The following THSD4 variants were observed in gnomAD, a reference collection of about 807,000 sequenced individuals.
THSD4 encodes thrombospondin type 1 domain containing 4.
In THSD4, 69 loss-of-function variants were observed where a neutral mutation model predicts 119.0. The observed-to-expected ratio is 0.58, with a 90% CI of 0.48 to 0.71. THSD4 has a LOEUF of 0.71. Ranked by LOEUF, THSD4 falls within the 30% of genes least tolerant of loss-of-function variation. The pLI, the probability that THSD4 is intolerant of heterozygous loss-of-function variation, is 0.00. For missense variants in THSD4, 1,393 were observed against 1,391.1 expected (o/e 1.00, Z -0.02); for synonymous variants, 524 against 540.4 (o/e 0.97, Z 0.42).
intron 8 of THSD4, among the ~76,000 whole-genome samples, chr15:71,710,538 A>G (rs1471159027): frequency 1.3e-5 from 2 of 152,154 alleles, no homozygotes; most frequent in Non-Finnish European, 1.5e-5. Context: ...CAGAAACTAG[A>G]CCCAGGTCAA....
intron 2 of THSD4, among the ~76,000 whole-genome samples, chr15:71,148,300 C>T (rs974714395): frequency 2.0e-5 from 3 of 152,152 alleles, no homozygotes; most frequent in African/African-American, 7.2e-5. Context: ...GTAAACAACA[C>T]CTGATAGCAG....
chr15:71,722,705 A>G (rs2047692), intron 8 of THSD4, among the ~76,000 whole-genome samples: 82,189 of 152,060 alleles, frequency 0.54, 26,638 homozygotes, highest in East Asian at 0.8. Context: ...TGCATATGGT[A>G]AAACAAATTG....
At chr15:71,264,785 G>A (rs1294801891) in intron 6 of THSD4, among the ~76,000 whole-genome samples, 1 of 152,148 alleles carries the variant, frequency 6.6e-6, no homozygotes, top group Non-Finnish European at 1.5e-5. Context: ...GGTGATCCAG[G>A]TATAGGAGAG....
At chr15:71,172,718 T>G (rs1264006922) in intron 3 of THSD4, among the ~76,000 whole-genome samples, 2 of 117,866 alleles carry the variant, frequency 1.7e-5, no homozygotes, top group Admixed American at 7.8e-5. Flanking sequence ...TATATATATA[T>G]ATATATATAT....
At chr15:71,355,146 C>T (rs1200677168) in intron 6 of THSD4, among the ~76,000 whole-genome samples, 3 of 152,176 alleles carry the variant, frequency 2.0e-5, no homozygotes, top group Admixed American at 6.5e-5. Context: ...GGCTGAAAGT[C>T]TTCTTTCTGG....
rs76682033 is a variant in THSD4, at chr15:71,660,781, G to A, written c.1357+47G>A. ...AGAAAACCGTCTGTCCCTGCCAGAT[G>A]ATGTATTCCTTCAGAACTGTGAGAT... is the stretch of plus-strand genomic sequence containing the variant. On this transcript the variant is annotated intron_variant, in intron 8 of 17. Coordinates refer to ENST00000261862, the MANE Select transcript of THSD4 (RefSeq NM_024817.3). 3.1e-3 allele frequency: 4,994 copies of A among 1,604,478 alleles called. 102 individuals are homozygous for A. In the African/African-American group the frequency reaches 0.049, roughly 16 times the overall value.
At chr15:71,484,777 A>C (rs2047789405) in intron 7 of THSD4, among the ~76,000 whole-genome samples, 1 of 152,204 alleles carries the variant, frequency 6.6e-6, no homozygotes. Flanking sequence ...TTTGTGATGA[A>C]GTGAACCCTT....
Position 71,341,022 on chromosome 15 carries a change from C to T in THSD4, c.1016-70665C>T, listed in dbSNP as rs548437728. The T allele has an allele frequency of 4.5e-6, 3 of 668,364 alleles. No homozygotes were observed. The Admixed American group carries it at 8.6e-5, about 19-fold the overall frequency. The allele number at this position is 668,364 out of a possible 1,614,324, so 41.4% of individuals were successfully genotyped here. A position where few individuals can be genotyped will look rare whatever the true frequency, so the allele number is the denominator to read the frequency against. On this transcript the variant is annotated intron_variant, in intron 6 of 17. Transcript: ENST00000261862. ...AGGTAATGGTCTCCCCATTGTTTCC[C>T]AGTGTCTTGCATTTCCTCTCTCTCC...
At chr15:71,560,718 A>T (rs565585802) in intron 7 of THSD4, among the ~76,000 whole-genome samples, 1 of 152,172 alleles carries the variant, frequency 6.6e-6, no homozygotes, top group Non-Finnish European at 1.5e-5. Context: ...GTATGCTCTT[A>T]TATTTCTTAG....
At chr15:71,644,097 G>C (rs1236368090) in intron 7 of THSD4, among the ~76,000 whole-genome samples, 1 of 152,172 alleles carries the variant, frequency 6.6e-6, no homozygotes, top group Non-Finnish European at 1.5e-5. Flanking sequence ...ATGATTTATA[G>C]GTTAAATTAG....
At chr15:71,436,695 A>T (rs1267063322) in intron 7 of THSD4, among the ~76,000 whole-genome samples, 1 of 152,230 alleles carries the variant, frequency 6.6e-6, no homozygotes. Flanking sequence ...AAAAGCATAC[A>T]AAATTTATTC....
In THSD4 at chr15:71,389,810, G is replaced by GTTTTTTTTTTTTTTTTTTTTTT. The variant is rs556682631; in HGVS notation, c.1016-21860_1016-21859insTTTTTTTTTTTTTTTTTTTTTT. On this transcript the variant is annotated intron_variant, in intron 6 of 17. Coordinates refer to ENST00000261862, the MANE Select transcript of THSD4 (RefSeq NM_024817.3). ...GCCAACACTTGCTATTTTCTGGGTTGTTTTTTTTTTTTTTTTTGACACAGA... is the reference window on the plus strand; with the variant it reads ...GCCAACACTTGCTATTTTCTGGGTTGTTTTTTTTTTTTTTTTTTTTTTTTTTTTTTTTTTTTTTTGACACAGA... Among the ~76,000 whole-genome samples, 18 of 88,024 alleles carry GTTTTTTTTTTTTTTTTTTTTTT rather than the reference G, an allele frequency of 2.0e-4. 4 individuals are homozygous for GTTTTTTTTTTTTTTTTTTTTTT. The highest frequency in any genetic ancestry group is 9.9e-4 in the South Asian group (2 of 2,028). 57.7% of individuals were successfully genotyped at this position (88,024 alleles called of 152,430 possible).
At chr15:71,209,355 C>T (rs904983064) in intron 3 of THSD4, among the ~76,000 whole-genome samples, 5 of 152,242 alleles carry the variant, frequency 3.3e-5, no homozygotes, top group Admixed American at 3.3e-4. Flanking sequence ...CACGGACACT[C>T]TGAACCTCAG....
intron 6 of THSD4, among the ~76,000 whole-genome samples, chr15:71,402,838 G>T (rs528957586): frequency 6.6e-6 from 1 of 152,162 alleles, no homozygotes; most frequent in Non-Finnish European, 1.5e-5. Flanking sequence ...TACATATGCC[G>T]TGATTATATT....
intron 7 of THSD4, among the ~76,000 whole-genome samples, chr15:71,632,187 CTG>C (rs2050644230): frequency 6.6e-6 from 1 of 152,200 alleles, no homozygotes; most frequent in South Asian, 2.1e-4. Flanking sequence ...TCAAGAAGTC[CTG>C]TTTCCTTCTC....
At chr15:71,199,189 C>T (rs886839111) in intron 3 of THSD4, among the ~76,000 whole-genome samples, 15 of 152,160 alleles carry the variant, frequency 9.9e-5, no homozygotes, top group Non-Finnish European at 1.8e-4. Flanking sequence ...CCCTTTGGAC[C>T]GTTTCTTTTT....
chr15:71,533,012 G>A (rs2048638552), intron 7 of THSD4, among the ~76,000 whole-genome samples: 1 of 152,192 alleles, frequency 6.6e-6, no homozygotes, highest in Admixed American at 6.5e-5. Flanking sequence ...CACTTGCCAT[G>A]TGTGTGCCTT....
intron 7 of THSD4, among the ~76,000 whole-genome samples, chr15:71,462,517 T>C (rs539905743): frequency 2.0e-5 from 3 of 152,328 alleles, no homozygotes; most frequent in East Asian, 3.9e-4. Flanking sequence ...AAGATGATCA[T>C]CCCACTTCTA....
chr15:71,480,135 C>G (rs2047708278), intron 7 of THSD4, among the ~76,000 whole-genome samples: 1 of 152,198 alleles, frequency 6.6e-6, no homozygotes, highest in Non-Finnish European at 1.5e-5. Context: ...TGCCTGGGCT[C>G]AAGCGATCCT....
Sources: gnomAD v4.1 joint callset for allele counts (sites outside exome capture counted in the v4.1 genomes callset) on GRCh38, gnomAD v4.1.1 for gene constraint, MANE v1.5 for transcripts, NCBI Gene and HGNC (gene_info 2026-07-23, HGNC 2026-07-21) for gene names.